CNTN4: variants seen among roughly 807,000 people sequenced by gnomAD.
CNTN4 encodes the protein contactin 4.
A neutral mutation model predicts 122.5 loss-of-function variants in CNTN4; 77 were observed. The observed-to-expected ratio is 0.63, with a 90% confidence interval of 0.52 to 0.76. The LOEUF is 0.76. Among genes scored for constraint, CNTN4 ranks in the 30% least tolerant of loss-of-function variants. The probability of loss-of-function intolerance (pLI) is 0.00; values close to 1 mark genes in which losing one functional copy is unlikely to be tolerated. For missense variants in CNTN4, 1,256 were observed against 1,259.1 expected, an observed-to-expected ratio of 1.00 and a Z score of 0.04; for synonymous variants, 512 against 447.0, an observed-to-expected ratio of 1.15 and a Z score of -1.83.
At chr3:2,382,171 A>AT (rs60838071) in intron 3 of CNTN4, among the ~76,000 whole-genome samples, 1,634 of 139,684 alleles carry the variant, frequency 0.012, 14 homozygotes, top group Admixed American at 0.033. Context: ...TCCTATCGTG[A>AT]TTTTTTTTTT....
rs1176854234 is a variant in CNTN4 at position 2,340,706 on chromosome 3, T to TAG, written c.-89+1474_-89+1475insGA. On this transcript the variant is annotated intron_variant, in intron 3 of 24. Transcript: ENST00000418658. ...AATTTTATATATATATATATATATATATATAGAGAGAGAGAGAGAGAGAGA... is the reference window on the plus strand; with the variant it reads ...AATTTTATATATATATATATATATATAGATATAGAGAGAGAGAGAGAGAGAGA... 1.7e-3 allele frequency among the ~76,000 whole-genome samples: 41 copies of TAG among 24,072 alleles called. 1 individual carries two copies. The highest frequency in any genetic ancestry group is 5.0e-3 in the South Asian group (2 of 398). 15.8% of individuals were successfully genotyped at this position (24,072 alleles called of 152,430 possible).
chr3:2,508,971 G>T (rs2076810948), intron 3 of CNTN4, among the ~76,000 whole-genome samples: 1 of 152,148 alleles, frequency 6.6e-6, no homozygotes, highest in Non-Finnish European at 1.5e-5. Context: ...AAATTTTTTA[G>T]TTAGTAATTA....
At chr3:2,332,680 A>C (rs1039653017) in intron 2 of CNTN4, among the ~76,000 whole-genome samples, 1 of 137,650 alleles carries the variant, frequency 7.3e-6, no homozygotes, top group Non-Finnish European at 1.5e-5. Context: ...ATGAGAACAC[A>C]TGGACACAGG....
intron 3 of CNTN4, among the ~76,000 whole-genome samples, chr3:2,528,528 G>T (rs1485337535): frequency 6.6e-6 from 1 of 152,032 alleles, no homozygotes; most frequent in Non-Finnish European, 1.5e-5. Context: ...TCAATCCAAG[G>T]TGAAACCGAA....
chr3:2,387,753 C>A (rs72996012), intron 3 of CNTN4, among the ~76,000 whole-genome samples: 2,211 of 152,216 alleles, frequency 0.015, 21 homozygotes, highest in Non-Finnish European at 0.021. Context: ...AGAGTTGAGA[C>A]ACTGGTTTTA....
intron 4 of CNTN4, among the ~76,000 whole-genome samples, chr3:2,680,954 A>G (rs2085133168): frequency 6.6e-6 from 1 of 152,202 alleles, no homozygotes; most frequent in Non-Finnish European, 1.5e-5. Context: ...ATAATAAGAA[A>G]AACAGATTTA....
intron 4 of CNTN4, among the ~76,000 whole-genome samples, chr3:2,716,617 A>C (rs187547913): frequency 1.3e-5 from 2 of 152,326 alleles, no homozygotes; most frequent in African/African-American, 4.8e-5. Flanking sequence ...GATACACTCC[A>C]TATGCCTCTT....
At chr3:2,694,623 A>C (rs1018945475) in intron 4 of CNTN4, among the ~76,000 whole-genome samples, 1 of 152,144 alleles carries the variant, frequency 6.6e-6, no homozygotes, top group African/African-American at 2.4e-5. Context: ...CCAGCTACTT[A>C]GGAGGCGAGG....
intron 2 of CNTN4, among the ~76,000 whole-genome samples, chr3:2,276,376 G>A (rs879890538): frequency 2.6e-5 from 4 of 151,952 alleles, no homozygotes; most frequent in Non-Finnish European, 4.4e-5. Flanking sequence ...GTTTCACCAC[G>A]TTGGCCAGGC....
rs78399150 is a variant in CNTN4 at position 2,329,282 on chromosome 3, A to G, written c.-144-9896A>G. ...GAAATTGTAGTTCAGAGCTCTCACC[A>G]TCGTTTCTACTACATACAAATCACT... On this transcript the variant is annotated intron_variant, in intron 2 of 24. Coordinates refer to ENST00000418658, the MANE Select transcript of CNTN4 (RefSeq NM_175607.3). Among the ~76,000 whole-genome samples the G allele has an allele frequency of 3.4e-3, 521 of 152,238 alleles. 3 individuals carry two copies. Among genetic ancestry groups the G allele is most frequent in the African/African-American group, 0.011 (473 of 41,540 alleles).
intron 4 of CNTN4, among the ~76,000 whole-genome samples, chr3:2,594,904 C>T (rs2080692208): frequency 6.6e-6 from 1 of 151,950 alleles, no homozygotes; most frequent in Non-Finnish European, 1.5e-5. Context: ...GCCTCTGATC[C>T]CAATCTATTA....
intron 2 of CNTN4, among the ~76,000 whole-genome samples, chr3:2,318,947 G>A (rs896299929): frequency 1.3e-5 from 2 of 152,164 alleles, no homozygotes; most frequent in African/African-American, 4.8e-5. Context: ...AAACGCCCAA[G>A]GTTTTGGGAT....
At chr3:2,307,438 A>G (rs2042754676) in intron 2 of CNTN4, among the ~76,000 whole-genome samples, 1 of 75,870 alleles carries the variant, frequency 1.3e-5, no homozygotes, top group Non-Finnish European at 2.3e-5. Context: ...CCATCTCAAA[A>G]AAAAAAAAAA....
intron 13 of CNTN4, among the ~76,000 whole-genome samples, chr3:2,941,266 G>T (rs1189139098): frequency 6.6e-6 from 1 of 151,910 alleles, no homozygotes; most frequent in Non-Finnish European, 1.5e-5. Flanking sequence ...CATCCACTTT[G>T]CCTCCTTTGC....
chr3:2,401,800 C>A lies in CNTN4; in HGVS notation c.-89+62567C>A, dbSNP rs1440540446. Among the ~76,000 whole-genome samples, 4 of 152,170 alleles carry A rather than the reference C, an allele frequency of 2.6e-5. No individual in the cohort carries two copies. In the East Asian group the frequency reaches 7.7e-4, roughly 29 times the overall value. ...TGTAGAGGTTAAAACTTTCACCACA[C>A]GAGTGTGGCTGTTTGTTCACCGCAG... On this transcript the variant is annotated intron_variant, in intron 3 of 24. Transcript: ENST00000418658.
At chr3:2,171,830 T>A (rs2036529712) in intron 2 of CNTN4, among the ~76,000 whole-genome samples, 1 of 152,214 alleles carries the variant, frequency 6.6e-6, no homozygotes, top group African/African-American at 2.4e-5. Flanking sequence ...CTTGGTGTGT[T>A]TGGTATTAAT....
intron 6 of CNTN4, among the ~76,000 whole-genome samples, chr3:2,798,158 C>T (rs942717032): frequency 6.8e-6 from 1 of 147,448 alleles, no homozygotes; most frequent in Non-Finnish European, 1.5e-5. Flanking sequence ...CACTTGAGAA[C>T]ATGTGGTATT....
At chr3:2,280,809 A>G (rs1392630296) in intron 2 of CNTN4, among the ~76,000 whole-genome samples, 1 of 152,178 alleles carries the variant, frequency 6.6e-6, no homozygotes, top group Non-Finnish European at 1.5e-5. Context: ...ACACCAGTTA[A>G]ATTAAGTTCC....
At chr3:2,407,393 G>GT (rs1288921743) in intron 3 of CNTN4, among the ~76,000 whole-genome samples, 3 of 150,486 alleles carry the variant, frequency 2.0e-5, no homozygotes, top group Non-Finnish European at 4.4e-5. Context: ...TTTTCTTTTT[G>GT]TTTTTGTTTT....
Sources: gnomAD v4.1 joint callset for allele counts (sites outside exome capture counted in the v4.1 genomes callset) on GRCh38, gnomAD v4.1.1 for gene constraint, MANE v1.5 for transcripts, NCBI Gene and HGNC (gene_info 2026-07-23, HGNC 2026-07-21) for gene names.